The following TG variants were observed in gnomAD, a reference collection of about 807,000 sequenced individuals.
TG encodes the protein thyroglobulin.
A neutral mutation model predicts 324.7 loss-of-function variants in TG; 270 were observed. That is an observed-to-expected ratio of 0.83 (90% CI 0.75 to 0.92). The LOEUF (loss-of-function observed/expected upper bound fraction) is 0.92, where lower values mean the gene tolerates loss of function less well. Among genes scored for constraint, TG ranks in the 40% least tolerant of loss-of-function variants. TG has a pLI of 0.00. For synonymous variants in TG, 1,401 were observed against 1,327.0 expected (o/e 1.06, Z -1.21); for missense variants, 3,591 against 3,456.4 (o/e 1.04, Z -0.98).
chr8:132,904,479 T>C (rs1818384668), intron 16 of TG, among the ~76,000 whole-genome samples: 1 of 152,228 alleles, frequency 6.6e-6, no homozygotes, highest in East Asian at 1.9e-4. Context: ...TTCAGTTAAT[T>C]TTAGTTTCTG....
intron 22 of TG, among the ~76,000 whole-genome samples, 167 bp from the exon 23 acceptor site, chr8:132,928,909 A>G (rs1822277908): frequency 6.6e-6 from 1 of 152,072 alleles, no homozygotes; most frequent in Admixed American, 6.6e-5. Flanking sequence ...TTAGATATGG[A>G]GCAGTATGTT....
chr8:132,883,921 G>C (rs1380149633), intron 8 of TG, among the ~76,000 whole-genome samples: 1 of 152,148 alleles, frequency 6.6e-6, no homozygotes, highest in Non-Finnish European at 1.5e-5. Context: ...GTGTCAGCGG[G>C]GCCGTGCTCC....
intron 45 of TG, among the ~76,000 whole-genome samples, chr8:133,122,392 T>A (rs2131807588): frequency 6.6e-6 from 1 of 152,314 alleles, no homozygotes. Context: ...TCATTTTACA[T>A]GTAAAGAAAC....
At chr8:133,006,878 G>C (rs1041422001) in intron 35 of TG, among the ~76,000 whole-genome samples, 1 of 152,186 alleles carries the variant, frequency 6.6e-6, no homozygotes. Flanking sequence ...TTTTTAATGT[G>C]ATTTGGCCAG....
intron 1 of TG, among the ~76,000 whole-genome samples, chr8:132,867,523 G>GTTTTT (rs11325505): frequency 8.0e-6 from 1 of 124,966 alleles, no homozygotes; most frequent in Non-Finnish European, 1.7e-5. Flanking sequence ...CCAAGCTTCT[G>GTTTTT]TTTTTTTTTT....
At chr8:132,944,946 A>T (rs1329791481) in intron 26 of TG, among the ~76,000 whole-genome samples, 1 of 152,216 alleles carries the variant, frequency 6.6e-6, no homozygotes, top group Non-Finnish European at 1.5e-5. Context: ...AGCCTAGAGG[A>T]AGCCGTGGTC....
At chr8:133,130,155 C>A (rs1459143036) in intron 45 of TG, among the ~76,000 whole-genome samples, 2 of 152,182 alleles carry the variant, frequency 1.3e-5, no homozygotes, top group Non-Finnish European at 2.9e-5. Context: ...GACAGCTTGT[C>A]CAAGATTGCA....
chr8:132,964,879 G>A (rs1828314788), intron 29 of TG: 1 of 701,768 alleles, frequency 1.4e-6, no homozygotes, highest in Admixed American at 2.0e-5. Flanking sequence ...GCAGCCTGCA[G>A]GGGCCAGGAA....
At chr8:133,022,850 G>A (rs573896924) in intron 40 of TG, among the ~76,000 whole-genome samples, 1 of 152,314 alleles carries the variant, frequency 6.6e-6, no homozygotes, top group East Asian at 1.9e-4. Context: ...AGAGCCCAGG[G>A]CCACCTCCGG....
At chr8:132,906,315 G>A (rs540954120) in intron 16 of TG, among the ~76,000 whole-genome samples, 16 of 152,124 alleles carry the variant, frequency 1.1e-4, no homozygotes, top group African/African-American at 1.4e-4. Flanking sequence ...TTGTGCCTGG[G>A]GGACTGAGGC....
chr8:132,893,111 G>A (rs1052166341), intron 10 of TG, among the ~76,000 whole-genome samples: 1 of 143,986 alleles, frequency 6.9e-6, no homozygotes, highest in Non-Finnish European at 1.5e-5. Context: ...TATGTGTGTG[G>A]TATATGTGTG....
chr8:133,101,153 A>G (rs748460624), intron 43 of TG, among the ~76,000 whole-genome samples: 7 of 152,098 alleles, frequency 4.6e-5, no homozygotes, highest in South Asian at 2.1e-4. Context: ...GGGATGCGCT[A>G]TCACCACCTT....
At chr8:133,010,006 T>G (rs1222861468) in intron 35 of TG, among the ~76,000 whole-genome samples, 10 of 152,252 alleles carry the variant, frequency 6.6e-5, no homozygotes, top group Non-Finnish European at 1.2e-4. Context: ...CAAAGACAGG[T>G]TTAAGATAAA....
intron 41 of TG, among the ~76,000 whole-genome samples, chr8:133,069,295 A>G (rs1843586787): frequency 6.6e-6 from 1 of 152,198 alleles, no homozygotes; most frequent in Admixed American, 6.5e-5. Context: ...TAAACTTATC[A>G]AGCAAGATGG....
In TG at chr8:132,893,792, A is replaced by G. The variant is rs61736740; in HGVS notation, c.2864A>G (p.Glu955Gly). The G allele has an allele frequency of 6.2e-7, 1 of 1,613,692 alleles. No homozygotes were observed. The highest frequency in any genetic ancestry group is 1.3e-5 in the African/African-American group (1 of 74,786). ...ASNSSRFPLG[E>G]SFLVAKGIRL... ...AACAGTTCTCGGTTCCCTCTGGGGG[A>G]GAGTTTCCTGGTGGCCAAGGGAATC... Residue 955 changes from glutamate (E) to glycine (G), a missense_variant, in exon 11 of 48, where the codon GAG becomes GGG. Physicochemically the swap from Glu to Gly is moderately conservative, Grantham distance 98. Transcript: ENST00000220616.
At chr8:133,120,857 G>T (rs369807514) in intron 45 of TG, among the ~76,000 whole-genome samples, 1 of 152,218 alleles carries the variant, frequency 6.6e-6, no homozygotes, top group South Asian at 2.1e-4. Flanking sequence ...GCAGGCTCTT[G>T]AATGGCAATG....
At chr8:132,951,687 C>A (rs1321616738) in intron 27 of TG, among the ~76,000 whole-genome samples, 1 of 152,174 alleles carries the variant, frequency 6.6e-6, no homozygotes, top group East Asian at 1.9e-4. Context: ...TTTCAGGCAG[C>A]CTTGATACTC....
intron 40 of TG, among the ~76,000 whole-genome samples, chr8:133,028,230 C>T (rs1836287135): frequency 2.0e-5 from 3 of 152,140 alleles, no homozygotes; most frequent in Admixed American, 1.3e-4. Flanking sequence ...CAGTTGGTGC[C>T]CTGCTTTCCT....
intron 20 of TG, among the ~76,000 whole-genome samples, chr8:132,914,050 A>G (rs2687821): frequency 0.41 from 62,386 of 152,054 alleles, 15,604 homozygotes; most frequent in Admixed American, 0.54. Flanking sequence ...CCCTGGTCAC[A>G]TCTCCTCTGA....
Sources: allele counts gnomAD v4.1 joint callset (sites outside exome capture counted in the v4.1 genomes callset), GRCh38; gene constraint gnomAD v4.1.1; transcripts MANE v1.5; gene names NCBI Gene and HGNC (gene_info 2026-07-23, HGNC 2026-07-21).